The following KLF8 variants were observed in gnomAD, a reference collection of about 807,000 sequenced individuals.
The protein encoded by KLF8 is Krueppel-like factor 8.
Under a neutral mutation model 18.2 loss-of-function variants are expected in KLF8, and 10 were observed. The ratio of observed to expected loss-of-function variants is 0.55; its 90% confidence interval spans 0.34 to 0.93. The LOEUF is 0.93. Ranked by LOEUF, KLF8 falls within the 40% of genes least tolerant of loss-of-function variation. The pLI, the probability that KLF8 is intolerant of heterozygous loss-of-function variation, is 0.02. For synonymous variants in KLF8, 109 were observed against 97.3 expected (o/e 1.12, Z -0.71); for missense variants, 264 against 277.9 (o/e 0.95, Z 0.36).
chrX:55,984,126 T>A, the KLF8 span, among the ~76,000 whole-genome samples: 1 of 109,977 alleles, frequency 9.1e-6, no homozygotes, highest in Non-Finnish European at 1.9e-5. Context: ...TTTTTTCTTC[T>A]CTTCAACTTT....
At chrX:56,137,682 G>A in the KLF8 span, among the ~76,000 whole-genome samples, 1 of 106,975 alleles carries the variant, frequency 9.3e-6, no homozygotes, top group Non-Finnish European at 1.9e-5. Flanking sequence ...CAGCACACCT[G>A]CATGGCACAT....
the KLF8 span, among the ~76,000 whole-genome samples, chrX:56,057,090 C>T: frequency 1.5e-4 from 17 of 111,378 alleles, no homozygotes; most frequent in Admixed American, 1.9e-4. Flanking sequence ...GAAGGCAGTT[C>T]GGCTTGGGGC....
chrX:55,998,852 G>T, the KLF8 span, among the ~76,000 whole-genome samples: 1 of 100,629 alleles, frequency 9.9e-6, no homozygotes, highest in African/African-American at 3.9e-5. Flanking sequence ...GTTTAATTAG[G>T]TCGCATTTAT....
the KLF8 span, among the ~76,000 whole-genome samples, chrX:56,225,049 C>G: frequency 9.0e-6 from 1 of 111,174 alleles, no homozygotes; most frequent in Non-Finnish European, 1.9e-5. Context: ...AACCTAATCA[C>G]CTTCCAAAAG....
the KLF8 span, among the ~76,000 whole-genome samples, chrX:55,989,183 G>A: frequency 1.8e-5 from 2 of 111,551 alleles, no homozygotes; most frequent in Non-Finnish European, 1.9e-5. Flanking sequence ...TCCTAATTGA[G>A]TACCCTTTAT....
the KLF8 span, among the ~76,000 whole-genome samples, chrX:56,186,201 A>G: frequency 9.0e-6 from 1 of 111,599 alleles, no homozygotes; most frequent in Admixed American, 9.5e-5. Context: ...CAAATGGAAA[A>G]CAGAAAAAGG....
At chrX:56,019,319 T>A in the KLF8 span, among the ~76,000 whole-genome samples, 1 of 112,506 alleles carries the variant, frequency 8.9e-6, no homozygotes, top group African/African-American at 3.2e-5. Context: ...TAGACTTCTC[T>A]TGGAGAATGG....
chrX:56,243,692 C>T (rs900330127), intron 1 of KLF8, among the ~76,000 whole-genome samples: 24 of 109,024 alleles, frequency 2.2e-4, no homozygotes, highest in African/African-American at 7.4e-4. Context: ...TGCACCACCA[C>T]TCCCAGCTAA....
At chrX:56,136,300 A>T in the KLF8 span, among the ~76,000 whole-genome samples, 4 of 111,761 alleles carry the variant, frequency 3.6e-5, no homozygotes, top group African/African-American at 1.3e-4. Flanking sequence ...TCGCCAAGTC[A>T]ATCTAAGCCA....
At chrX:56,175,665 G>C in the KLF8 span, among the ~76,000 whole-genome samples, 1 of 111,172 alleles carries the variant, frequency 9.0e-6, no homozygotes, top group Non-Finnish European at 1.9e-5. Flanking sequence ...TTAACTTTCT[G>C]TCTCATTGAT....
the KLF8 span, among the ~76,000 whole-genome samples, chrX:56,111,626 A>G: frequency 2.8e-4 from 31 of 112,244 alleles, no homozygotes; most frequent in South Asian, 0.011. Context: ...CATAAAACAA[A>G]TTTACAAGAA....
At chrX:56,222,378 C>G in the KLF8 span, among the ~76,000 whole-genome samples, 2 of 109,229 alleles carry the variant, frequency 1.8e-5, no homozygotes, top group Non-Finnish European at 3.8e-5. Flanking sequence ...ATACAGAGTG[C>G]CCATTGATGC....
At chrX:56,130,312 G>T in the KLF8 span, among the ~76,000 whole-genome samples, 6 of 111,653 alleles carry the variant, frequency 5.4e-5, no homozygotes, top group Non-Finnish European at 7.5e-5. Context: ...AACTGAAGAT[G>T]GTTCACATCA....
chrX:56,077,552 G>C, the KLF8 span, among the ~76,000 whole-genome samples: 1 of 112,065 alleles, frequency 8.9e-6, no homozygotes, highest in African/African-American at 3.2e-5. Flanking sequence ...TAGCCTTGTA[G>C]TATAGTTTGA....
chrX:56,137,655 T>C, the KLF8 span, among the ~76,000 whole-genome samples: 1 of 103,697 alleles, frequency 9.6e-6, no homozygotes, highest in East Asian at 3.1e-4. Context: ...TAATGCTAGA[T>C]GATGAGTTAA....
At chrX:56,133,852 G>A in the KLF8 span, among the ~76,000 whole-genome samples, 1 of 110,511 alleles carries the variant, frequency 9.0e-6, no homozygotes, top group Non-Finnish European at 1.9e-5. Flanking sequence ...GAAATTAGTA[G>A]CTCTGCTATA....
At position 56,269,448 on chromosome X, in the gene KLF8, T is replaced by A. The variant is rs766866162; in HGVS notation, c.717T>A (p.Ser239Arg). 4.8e-5 allele frequency: 58 copies of A among 1,206,053 alleles called. No individual in the cohort carries two copies. The highest frequency in any genetic ancestry group is 6.0e-5 in the Non-Finnish European group (54 of 893,605). The change falls in exon 4 of 6, where the codon AGT (serine) becomes AGA (arginine). Residue 239 changes from serine (S) to arginine (R), a missense_variant. Transcript: ENST00000468660. ...ACAGTGAGGAGAGTACAATTGAGAG[T>A]GGATCCTCAGCCTTGCAGAGTCTGC... The part of the protein sequence containing the change: ...PSDSEESTIE[S>R]GSSALQSLQG...
chrX:56,188,699 C>T, the KLF8 span, among the ~76,000 whole-genome samples: 1 of 111,348 alleles, frequency 9.0e-6, no homozygotes, highest in African/African-American at 3.3e-5. Context: ...AGAATAGAGC[C>T]CTCAGAAATA....
chrX:56,266,663 A>T (rs919336766), intron 3 of KLF8: 1 of 751,696 alleles, frequency 1.3e-6, no homozygotes, highest in African/African-American at 2.3e-5. Flanking sequence ...CCAGAGGTAT[A>T]TCTGTTTTAG....
Sources: gnomAD v4.1 joint callset for allele counts (sites outside exome capture counted in the v4.1 genomes callset) on GRCh38, gnomAD v4.1.1 for gene constraint, MANE v1.5 for transcripts, NCBI Gene and HGNC (gene_info 2026-07-23, HGNC 2026-07-21) for gene names.